The following CDON variants were observed in gnomAD, a reference collection of about 807,000 sequenced individuals.
The protein encoded by CDON is cell adhesion molecule-related/down-regulated by oncogenes.
In CDON, 73 loss-of-function variants were observed where a neutral mutation model predicts 120.9. That is an observed-to-expected ratio of 0.60 (90% confidence interval 0.50 to 0.73). CDON has a LOEUF of 0.73. Ranked by LOEUF, CDON falls within the 30% of genes least tolerant of loss-of-function variation. CDON has a pLI of 0.00. For synonymous variants in CDON, 566 were observed against 573.5 expected, an observed-to-expected ratio of 0.99 and a Z score of 0.19; for missense variants, 1,470 against 1,587.3, an observed-to-expected ratio of 0.93 and a Z score of 1.26.
At chr11:126,016,435 T>C (rs537040953) in intron 6 of CDON, among the ~76,000 whole-genome samples, 38 of 152,276 alleles carry the variant, frequency 2.5e-4, no homozygotes, top group African/African-American at 8.2e-4. Context: ...CTTTTTGAGA[T>C]GACATTTTCT....
chr11:126,058,780 G>A (rs533036138), intron 1 of CDON, among the ~76,000 whole-genome samples: 272 of 152,318 alleles, frequency 1.8e-3, no homozygotes, highest in Middle Eastern at 0.01. Flanking sequence ...CTGAAAAAAA[G>A]TTTGTGCCCA....
At chr11:125,995,135 A>G (rs1946746260) in intron 12 of CDON, 83 bp from the exon 13 acceptor site, 1 of 1,170,162 alleles carries the variant, frequency 8.5e-7, no homozygotes, top group South Asian at 1.3e-5. Flanking sequence ...TAAAGGCAGA[A>G]TAGTCAAAAT....
chr11:126,003,521 A>G (rs1225654806), intron 10 of CDON, among the ~76,000 whole-genome samples: 2 of 152,192 alleles, frequency 1.3e-5, no homozygotes, highest in Non-Finnish European at 2.9e-5. Flanking sequence ...AGGAATTTCT[A>G]CTATCCAAAA....
Position 125,959,689 on chromosome 11 carries a change from G to GT in CDON, c.*1252dup, listed in dbSNP as rs1253394578. 5 of 151,950 alleles carry GT rather than the reference G, an allele frequency of 3.3e-5. No homozygotes were observed. The highest frequency in any genetic ancestry group is 1.2e-4 in the African/African-American group (5 of 41,336). 9.4% of individuals were successfully genotyped at this position (151,950 alleles called of 1,614,324 possible). ...TTTCTGACACTCACCCCTGCAGGCC[G>GT]TTGCCTATGCTGGAGATGGGGGATG... On this transcript the variant is annotated 3_prime_UTR_variant, in exon 20 of 20. Transcript: ENST00000531738.
intron 17 of CDON, 89 bp from the exon 18 acceptor site, chr11:125,978,472 CAT>C (rs1252289571): frequency 5.0e-6 from 4 of 807,842 alleles, no homozygotes; most frequent in African/African-American, 1.7e-5. Flanking sequence ...CACAAATACA[CAT>C]GAGCCATGTC....
chr11:125,989,413 G>A (rs1946564245), intron 15 of CDON, among the ~76,000 whole-genome samples: 1 of 152,170 alleles, frequency 6.6e-6, no homozygotes, highest in Non-Finnish European at 1.5e-5. Flanking sequence ...GTGCGCACCT[G>A]CAGCCCCAGC....
chr11:126,025,490 C>T (rs1363691922), intron 1 of CDON, among the ~76,000 whole-genome samples: 1 of 151,952 alleles, frequency 6.6e-6, no homozygotes, highest in East Asian at 1.9e-4. Flanking sequence ...GGGAGAATTG[C>T]TGAAGACAAA....
chr11:126,005,745 C>T lies in CDON; in HGVS notation c.1851+14G>A, dbSNP rs113328989. 6,590 of 1,611,292 alleles carry T rather than the reference C, an allele frequency of 4.1e-3. 268 individuals are homozygous for T. In the African/African-American group the frequency reaches 0.078, roughly 19 times the overall value. ...GGTGTGAGCCGAGAAAGATGATAAA[C>T]GACAAGACATTACCTTTCGATACTT... On this transcript the variant is annotated intron_variant, in intron 9 of 19. Coordinates refer to ENST00000531738, the MANE Select transcript of CDON (RefSeq NM_001378964.1).
intron 11 of CDON, among the ~76,000 whole-genome samples, chr11:125,998,046 T>A (rs942158031): frequency 2.0e-5 from 3 of 152,080 alleles, no homozygotes; most frequent in Admixed American, 2.0e-4. Context: ...GCAGAAAACA[T>A]GATCCACGTG....
chr11:126,002,693 C>T (rs1439729421), intron 10 of CDON, among the ~76,000 whole-genome samples: 2 of 152,212 alleles, frequency 1.3e-5, no homozygotes, highest in Non-Finnish European at 2.9e-5. Flanking sequence ...ATTCTGGTCT[C>T]TTTGCCTACA....
chr11:125,981,629 G>A (rs1291810981), intron 16 of CDON, among the ~76,000 whole-genome samples: 4 of 152,108 alleles, frequency 2.6e-5, no homozygotes, highest in African/African-American at 9.7e-5. Context: ...TGTGAACTCT[G>A]AGTTAATTAT....
chr11:126,019,436 G>C (rs1947566881), intron 4 of CDON, among the ~76,000 whole-genome samples, 183 bp downstream of exon 4: 1 of 152,188 alleles, frequency 6.6e-6, no homozygotes, highest in Admixed American at 6.5e-5. Context: ...TGAAGGAACT[G>C]AGGGAGTGAG....
At chr11:126,053,605 T>C (rs543579440) in intron 1 of CDON, among the ~76,000 whole-genome samples, 1 of 152,292 alleles carries the variant, frequency 6.6e-6, no homozygotes, top group South Asian at 2.1e-4. Context: ...ATAATCACAT[T>C]CAGACATTCA....
Position 126,015,494 on chromosome 11 carries a change from A to C in CDON, c.945T>G (p.Ser315=), listed in dbSNP as rs577839746. The C allele has an allele frequency of 1.1e-5, 17 of 1,614,074 alleles. No individual in the cohort carries two copies. In the South Asian group the frequency reaches 1.9e-4, roughly 18 times the overall value. ...MVNVLEHASI[S]KGLQDQIVSL... ...ACACTATCTGATCCTGTAGTCCTTT[A>C]GAAATGGAAGCATGTTCTGAAAATA... Residue 315 remains serine, a synonymous_variant, in exon 7 of 20, where the codon TCT becomes TCG. Transcript: ENST00000531738.
intron 8 of CDON, among the ~76,000 whole-genome samples, chr11:126,008,476 C>T (rs1947192285): frequency 6.6e-6 from 1 of 152,078 alleles, no homozygotes; most frequent in Admixed American, 6.6e-5. Flanking sequence ...TAGTATTTAT[C>T]GAGACATAAA....
chr11:125,976,618 A>AACAC (rs60615493), intron 18 of CDON, among the ~76,000 whole-genome samples: 2 of 151,160 alleles, frequency 1.3e-5, no homozygotes, highest in East Asian at 1.9e-4. Flanking sequence ...CACACACACA[A>AACAC]ACACACACAC....
chr11:125,994,853 CAGA>C lies in CDON; in HGVS notation c.2544+15_2544+17del. ...ATGACCAAACCACAAAATCTCATTC[CAGA>C]AGATGTGTACTGACCGTCCACTTTA... On this transcript the variant is annotated intron_variant, in intron 13 of 19. Transcript: ENST00000531738. The C allele has an allele frequency of 6.2e-7, 1 of 1,606,326 alleles. No homozygotes were observed. The highest frequency in any genetic ancestry group is 1.1e-5 in the South Asian group (1 of 90,874).
intron 18 of CDON, among the ~76,000 whole-genome samples, chr11:125,973,334 C>T (rs1946058153): frequency 6.6e-6 from 1 of 152,096 alleles, no homozygotes; most frequent in South Asian, 2.1e-4. Flanking sequence ...AGTTCAAGAT[C>T]AGCCTGACTG....
chr11:126,062,997 G>A (rs1345963109), upstream of CDON, among the ~76,000 whole-genome samples: 1 of 151,764 alleles, frequency 6.6e-6, no homozygotes, highest in Non-Finnish European at 1.5e-5. Flanking sequence ...ACGGAGGCGG[G>A]CCGTAGAGGC....
Sources: allele counts gnomAD v4.1 joint callset (sites outside exome capture counted in the v4.1 genomes callset), GRCh38; gene constraint gnomAD v4.1.1; transcripts MANE v1.5; gene names NCBI Gene and HGNC (gene_info 2026-07-23, HGNC 2026-07-21).